The following SIAH3 variants were observed in gnomAD, a reference collection of about 807,000 sequenced individuals.
SIAH3 encodes the protein siah E3 ubiquitin protein ligase family member 3.
SIAH3 carries 9 observed loss-of-function variants against 12.6 expected under a neutral mutation model. The ratio of observed to expected loss-of-function variants is 0.72; its 90% CI spans 0.43 to 1.25. The LOEUF is 1.25. Ranked by LOEUF, SIAH3 falls within the 50% of genes most tolerant of loss-of-function variation. The pLI, the probability that SIAH3 is intolerant of heterozygous loss-of-function variation, is 0.00. For synonymous variants in SIAH3, 154 were observed against 151.1 expected, an observed-to-expected ratio of 1.02 and a Z score of -0.14; for missense variants, 390 against 365.4, an observed-to-expected ratio of 1.07 and a Z score of -0.55.
At position 45,815,383 on chromosome 13, in the gene SIAH3, A is replaced by T. The variant is rs557110854; in HGVS notation, c.136-31326T>A. Among the ~76,000 whole-genome samples, 11 of 152,118 alleles carry T rather than the reference A, an allele frequency of 7.2e-5. No individual in the cohort carries two copies. In the East Asian group the frequency reaches 2.1e-3, roughly 29 times the overall value. ...ACTGAGGCCTCCTGAGGAAGAAGGA[A>T]TTCTGCCTACAGACTGTCTTTGGGC... is the stretch of plus-strand genomic sequence containing the variant. On this transcript the variant is annotated intron_variant, in intron 1 of 1. Coordinates refer to ENST00000400405, the MANE Select transcript of SIAH3 (RefSeq NM_198849.3).
intron 1 of SIAH3, among the ~76,000 whole-genome samples, chr13:45,833,226 C>T (rs1210872277): frequency 6.6e-6 from 1 of 152,186 alleles, no homozygotes; most frequent in Non-Finnish European, 1.5e-5. Flanking sequence ...TAAATAAACA[C>T]TTGAATGAAG....
chr13:45,828,483 T>C (rs535596444), intron 1 of SIAH3, among the ~76,000 whole-genome samples: 4 of 152,342 alleles, frequency 2.6e-5, no homozygotes, highest in African/African-American at 9.6e-5. Flanking sequence ...TGAAGTTGCA[T>C]TTTGGGAACA....
chr13:45,786,503 G>C (rs777742095), intron 1 of SIAH3, among the ~76,000 whole-genome samples: 1 of 152,222 alleles, frequency 6.6e-6, no homozygotes, highest in Admixed American at 6.5e-5. Context: ...GAAGTTCACA[G>C]GCTGGAGGTC....
intron 1 of SIAH3, among the ~76,000 whole-genome samples, chr13:45,794,642 C>T (rs527530855): frequency 3.0e-4 from 45 of 152,314 alleles, no homozygotes; most frequent in African/African-American, 1.0e-3. Flanking sequence ...CCTCCACACA[C>T]TCTCTTGCCT....
At chr13:45,848,339 C>A (rs577544664) in intron 1 of SIAH3, among the ~76,000 whole-genome samples, 1 of 152,296 alleles carries the variant, frequency 6.6e-6, no homozygotes, top group South Asian at 2.1e-4. Flanking sequence ...CACTCCACTG[C>A]CTGGCACTCA....
At chr13:45,839,874 C>G (rs1404366196) in intron 1 of SIAH3, among the ~76,000 whole-genome samples, 1 of 152,068 alleles carries the variant, frequency 6.6e-6, no homozygotes, top group South Asian at 2.1e-4. Flanking sequence ...TTTTACCAAG[C>G]CTGAATTTGG....
At chr13:45,839,097 A>G (rs918544586) in intron 1 of SIAH3, among the ~76,000 whole-genome samples, 4 of 152,130 alleles carry the variant, frequency 2.6e-5, no homozygotes, top group Non-Finnish European at 5.9e-5. Context: ...GTTATAGAGT[A>G]TGGCCGCTAA....
rs1423750459 is a variant in SIAH3, at chr13:45,781,098, C to T, written c.*2285G>A. Reference sequence around the variant, plus strand: ...AAATATAAGCTCCCATCTGGGATCACTTATTCATAATACAGTCTTGTGTGC... The same window carrying T: ...AAATATAAGCTCCCATCTGGGATCATTTATTCATAATACAGTCTTGTGTGC... On this transcript the variant is annotated 3_prime_UTR_variant, in exon 2 of 2. Coordinates refer to ENST00000400405, the MANE Select transcript of SIAH3 (RefSeq NM_198849.3). 6.6e-6 allele frequency: 1 copy of T among 152,636 alleles called. No individual in the cohort carries two copies. The highest frequency in any genetic ancestry group is 1.5e-5 in the Non-Finnish European group (1 of 68,046). The allele number at this position is 152,636 out of a possible 1,614,324, so 9.5% of individuals were successfully genotyped here. A position where few individuals can be genotyped will look rare whatever the true frequency, so the allele number is the denominator to read the frequency against.
intron 1 of SIAH3, among the ~76,000 whole-genome samples, chr13:45,830,344 G>A (rs1223856537): frequency 6.6e-6 from 1 of 151,922 alleles, no homozygotes; most frequent in Non-Finnish European, 1.5e-5. Context: ...CTTGGGAGAA[G>A]GACAGACCTG....
chr13:45,834,679 G>A (rs1264806565), intron 1 of SIAH3, among the ~76,000 whole-genome samples: 1 of 152,134 alleles, frequency 6.6e-6, no homozygotes, highest in Non-Finnish European at 1.5e-5. Context: ...CTAGAGTCAA[G>A]CCCGCAAACC....
intron 1 of SIAH3, among the ~76,000 whole-genome samples, chr13:45,813,474 G>A (rs1331269760): frequency 1.3e-5 from 2 of 152,216 alleles, no homozygotes; most frequent in Non-Finnish European, 2.9e-5. Flanking sequence ...CAGCATTACA[G>A]AGTCATTCAT....
chr13:45,827,430 A>G (rs1441600338), intron 1 of SIAH3, among the ~76,000 whole-genome samples: 1 of 152,160 alleles, frequency 6.6e-6, no homozygotes, highest in Non-Finnish European at 1.5e-5. Flanking sequence ...ACAAACCTCT[A>G]CTTATTCAAA....
intron 1 of SIAH3, among the ~76,000 whole-genome samples, chr13:45,801,101 G>GGA (rs67983216): frequency 3.3e-4 from 26 of 79,396 alleles, no homozygotes; most frequent in Non-Finnish European, 5.7e-4. Context: ...GTGGCGGGGG[G>GGA]GGGCATGGCT....
At position 45,783,899 on chromosome 13, in the gene SIAH3, G is replaced by A. The variant is rs773723798; in HGVS notation, c.294C>T (p.His98=). Reference sequence around the variant, plus strand: ...ACAGGCAGGGCGTCACCGGGTTGGCGTGCAGCCCCGCCTCCTGGTGGTGAA... The same window carrying A: ...ACAGGCAGGGCGTCACCGGGTTGGCATGCAGCCCCGCCTCCTGGTGGTGAA... ...HHLHHQEAGL[H]ANPVTPCLCM... The change falls in exon 2 of 2, where the codon CAC becomes CAT. Residue 98 remains histidine (H), a synonymous_variant. Transcript: ENST00000400405. 1 of 1,611,930 alleles carries A rather than the reference G, an allele frequency of 6.2e-7. No homozygotes were observed. The highest frequency in any genetic ancestry group is 1.1e-5 in the South Asian group (1 of 90,980).
At chr13:45,825,941 G>C (rs1196332552) in intron 1 of SIAH3, among the ~76,000 whole-genome samples, 1 of 152,070 alleles carries the variant, frequency 6.6e-6, no homozygotes, top group Non-Finnish European at 1.5e-5. Context: ...AGCATTCAAA[G>C]ATCTCTGCCT....
At chr13:45,804,658 C>T (rs1390450872) in intron 1 of SIAH3, among the ~76,000 whole-genome samples, 3 of 151,990 alleles carry the variant, frequency 2.0e-5, no homozygotes, top group Non-Finnish European at 4.4e-5. Context: ...AACTGAAACA[C>T]GACAAGGATG....
At chr13:45,813,246 T>C (rs1323310310) in intron 1 of SIAH3, among the ~76,000 whole-genome samples, 1 of 152,218 alleles carries the variant, frequency 6.6e-6, no homozygotes, top group Non-Finnish European at 1.5e-5. Flanking sequence ...ATATCAGTAC[T>C]GAGTCCTGGC....
chr13:45,851,653 TC>T lies in SIAH3; in HGVS notation c.-25del. The T allele has an allele frequency of 1.2e-6, 2 of 1,613,910 alleles. No individual in the cohort carries two copies. Among genetic ancestry groups the T allele is most frequent in the Non-Finnish European group, 1.7e-6 (2 of 1,179,872 alleles). The stretch of plus-strand genomic sequence containing the variant: ...ATCACAACTTTTGGGGGGTTGTTGG[TC>T]CGGGAAGGCAGCGGAGGAAGCTGTG... On this transcript the variant is annotated 5_prime_UTR_variant, in exon 1 of 2. Transcript: ENST00000400405.
At chr13:45,809,053 C>A (rs1366134535) in intron 1 of SIAH3, among the ~76,000 whole-genome samples, 1 of 152,148 alleles carries the variant, frequency 6.6e-6, no homozygotes, top group Non-Finnish European at 1.5e-5. Context: ...TATTGATGAT[C>A]CCTGCCTGGT....
Sources: allele counts gnomAD v4.1 joint callset (sites outside exome capture counted in the v4.1 genomes callset), GRCh38; gene constraint gnomAD v4.1.1; transcripts MANE v1.5; gene names NCBI Gene and HGNC (gene_info 2026-07-23, HGNC 2026-07-21).